ARHGAP15: variants seen among roughly 807,000 people sequenced by gnomAD.
ARHGAP15 encodes rho GTPase-activating protein 15.
A neutral mutation model predicts 63.7 loss-of-function variants in ARHGAP15; 51 were observed. The observed-to-expected ratio is 0.80, with a 90% CI of 0.64 to 1.01. The LOEUF is 1.01. ARHGAP15 is among the 50% of genes least tolerant of loss of function. The pLI is 0.00. For missense variants in ARHGAP15, 560 were observed against 564.6 expected (o/e 0.99, Z 0.08); for synonymous variants, 191 against 193.8 (o/e 0.99, Z 0.12).
At chr2:143,241,505 G>A (rs1377502359) in intron 5 of ARHGAP15, among the ~76,000 whole-genome samples, 1 of 152,208 alleles carries the variant, frequency 6.6e-6, no homozygotes, top group Admixed American at 6.5e-5. Context: ...AGTAGTGGCA[G>A]ATGAGGGAAG....
intron 12 of ARHGAP15, among the ~76,000 whole-genome samples, chr2:143,664,035 T>A (rs1486325540): frequency 6.6e-6 from 1 of 150,900 alleles, no homozygotes; most frequent in South Asian, 2.1e-4. Context: ...TACCCAGGAA[T>A]TGAACTCAGC....
intron 6 of ARHGAP15, among the ~76,000 whole-genome samples, chr2:143,339,874 T>G (rs1164359772): frequency 6.6e-6 from 1 of 152,168 alleles, no homozygotes; most frequent in Non-Finnish European, 1.5e-5. Context: ...TCACTTACTA[T>G]GTGAAACTCT....
At chr2:143,199,475 A>G (rs972644920) in intron 2 of ARHGAP15, among the ~76,000 whole-genome samples, 1 of 152,080 alleles carries the variant, frequency 6.6e-6, no homozygotes, top group African/African-American at 2.4e-5. Context: ...TTACTGGCCT[A>G]TGTATGGTTT....
chr2:143,132,024 T>A (rs1688935127), intron 1 of ARHGAP15, among the ~76,000 whole-genome samples: 1 of 152,168 alleles, frequency 6.6e-6, no homozygotes, highest in African/African-American at 2.4e-5. Flanking sequence ...TGCACTACAT[T>A]TTCAGGCAAT....
chr2:143,622,584 G>A (rs981352904), intron 11 of ARHGAP15, among the ~76,000 whole-genome samples: 1 of 151,842 alleles, frequency 6.6e-6, no homozygotes, highest in Admixed American at 6.6e-5. Flanking sequence ...ATGATTGCAG[G>A]GCAGAAAGAA....
In ARHGAP15 at chr2:143,413,927, T is replaced by TGTGTG. The variant is rs1688553387; in HGVS notation, c.475-21674_475-21673insGTGTG. On this transcript the variant is annotated intron_variant, in intron 6 of 13. Coordinates refer to ENST00000295095, the MANE Select transcript of ARHGAP15 (RefSeq NM_018460.4). ...AGTGCCCTAGATGGAAGGTAGGTAG[T>TGTGTG]TGTGTGTGTGTGTGTGTGTGTGTGT... Among the ~76,000 whole-genome samples, 5 of 127,992 alleles carry TGTGTG rather than the reference T, an allele frequency of 3.9e-5. No homozygotes were observed. The Admixed American group carries it at 4.0e-4, about 10-fold the overall frequency. 84.0% of individuals were successfully genotyped at this position (127,992 alleles called of 152,430 possible). A position where few individuals can be genotyped will look rare whatever the true frequency, so the allele number is the denominator to read the frequency against.
intron 3 of ARHGAP15, among the ~76,000 whole-genome samples, chr2:143,209,582 A>G (rs535163124): frequency 1.3e-5 from 2 of 152,002 alleles, no homozygotes; most frequent in Admixed American, 1.3e-4. Context: ...TTTCTGTGAG[A>G]ACCTACACTG....
intron 12 of ARHGAP15, among the ~76,000 whole-genome samples, chr2:143,701,126 G>A (rs1010402294): frequency 6.6e-6 from 1 of 151,994 alleles, no homozygotes; most frequent in Non-Finnish European, 1.5e-5. Flanking sequence ...GGCCTTTGTG[G>A]TTTTAGAAGG....
At chr2:143,731,792 C>T (rs1362261715) in intron 13 of ARHGAP15, among the ~76,000 whole-genome samples, 2 of 152,174 alleles carry the variant, frequency 1.3e-5, no homozygotes, top group African/African-American at 4.8e-5. Context: ...GAATACTAAC[C>T]ATATGTCCCA....
chr2:143,186,459 G>A (rs1191229887), intron 2 of ARHGAP15, among the ~76,000 whole-genome samples: 1 of 152,006 alleles, frequency 6.6e-6, no homozygotes, highest in Admixed American at 6.6e-5. Context: ...AAAATCATTG[G>A]TTCCTAGGTA....
At chr2:143,325,839 A>C (rs1007938104) in intron 6 of ARHGAP15, among the ~76,000 whole-genome samples, 4 of 152,176 alleles carry the variant, frequency 2.6e-5, no homozygotes, top group Non-Finnish European at 5.9e-5. Flanking sequence ...ATTCAATGAA[A>C]GTTTATTACA....
intron 6 of ARHGAP15, among the ~76,000 whole-genome samples, chr2:143,368,855 A>G (rs900605561): frequency 1.3e-5 from 2 of 152,138 alleles, no homozygotes; most frequent in Non-Finnish European, 2.9e-5. Flanking sequence ...ATCCAGATAG[A>G]TTCTCCAGTT....
At chr2:143,248,840 C>T (rs902854892) in intron 5 of ARHGAP15, among the ~76,000 whole-genome samples, 2 of 152,038 alleles carry the variant, frequency 1.3e-5, no homozygotes, top group Non-Finnish European at 1.5e-5. Context: ...AATTGTTGTA[C>T]GTAGGTAAGT....
At chr2:143,359,565 A>G (rs946877453) in intron 6 of ARHGAP15, among the ~76,000 whole-genome samples, 6 of 152,186 alleles carry the variant, frequency 3.9e-5, no homozygotes, top group Non-Finnish European at 7.3e-5. Context: ...TTTTCTTCCA[A>G]AATCGATGCA....
chr2:143,668,102 A>C (rs979724604), intron 12 of ARHGAP15, among the ~76,000 whole-genome samples: 1 of 152,128 alleles, frequency 6.6e-6, no homozygotes, highest in African/African-American at 2.4e-5. Flanking sequence ...AGATTTAGTA[A>C]TTTTAGAATG....
At chr2:143,573,786 T>C (rs1696557202) in intron 11 of ARHGAP15, among the ~76,000 whole-genome samples, 1 of 152,130 alleles carries the variant, frequency 6.6e-6, no homozygotes, top group African/African-American at 2.4e-5. Context: ...AGGTGCACTC[T>C]TCCTTTACAA....
At chr2:143,298,120 C>T (rs1002572495) in intron 6 of ARHGAP15, among the ~76,000 whole-genome samples, 1 of 151,904 alleles carries the variant, frequency 6.6e-6, no homozygotes, top group East Asian at 1.9e-4. Context: ...CTATCAATTG[C>T]CAAAACAAAT....
At chr2:143,561,756 G>T (rs1376891129) in intron 11 of ARHGAP15, among the ~76,000 whole-genome samples, 1 of 151,984 alleles carries the variant, frequency 6.6e-6, no homozygotes, top group African/African-American at 2.4e-5. Flanking sequence ...GCCCACTTCG[G>T]CCTTCCAAAG....
intron 6 of ARHGAP15, among the ~76,000 whole-genome samples, chr2:143,322,026 T>C (rs1213499525): frequency 6.6e-6 from 1 of 152,236 alleles, no homozygotes; most frequent in Non-Finnish European, 1.5e-5. Flanking sequence ...TCTAGATGAT[T>C]ACTTCTTTTC....
Sources: allele counts gnomAD v4.1 joint callset (sites outside exome capture counted in the v4.1 genomes callset), GRCh38; gene constraint gnomAD v4.1.1; transcripts MANE v1.5; gene names NCBI Gene and HGNC (gene_info 2026-07-23, HGNC 2026-07-21).